SEM1: variants seen among roughly 807,000 people sequenced by gnomAD.
SEM1 encodes the protein 26S proteasome complex subunit SEM1.
Under a neutral mutation model 12.7 loss-of-function variants are expected in SEM1, and 3 were observed. The ratio of observed to expected loss-of-function variants is 0.24; its 90% CI spans 0.11 to 0.61. The LOEUF (loss-of-function observed/expected upper bound fraction) is 0.61. Ranked by LOEUF, SEM1 falls within the 20% of genes least tolerant of loss-of-function variation. The pLI is 0.88. For missense variants in SEM1, 59 were observed against 81.3 expected, an observed-to-expected ratio of 0.73 and a Z score of 1.06; for synonymous variants, 30 against 27.8, an observed-to-expected ratio of 1.08 and a Z score of -0.25.
At chr7:96,546,670 C>T (rs865885999) in intron 2 of SEM1, among the ~76,000 whole-genome samples, 2 of 152,060 alleles carry the variant, frequency 1.3e-5, no homozygotes, top group African/African-American at 4.8e-5. Context: ...TCCACCGGCA[C>T]GATCTTCATG....
At chr7:96,617,410 AT>A (rs1259969473) in intron 2 of SEM1, among the ~76,000 whole-genome samples, 3 of 152,176 alleles carry the variant, frequency 2.0e-5, no homozygotes, top group Non-Finnish European at 4.4e-5. Context: ...AAACTACTGA[AT>A]TTATTATCAA....
At chr7:96,614,438 C>T (rs949478328) in intron 2 of SEM1, among the ~76,000 whole-genome samples, 1 of 152,168 alleles carries the variant, frequency 6.6e-6, no homozygotes, top group Non-Finnish European at 1.5e-5. Context: ...AAATTAGCTC[C>T]AGCTTCAAGA....
At chr7:96,660,921 G>A (rs558849161) in intron 2 of SEM1, among the ~76,000 whole-genome samples, 71 of 151,896 alleles carry the variant, frequency 4.7e-4, no homozygotes, top group Non-Finnish European at 8.2e-4. Context: ...ATAGAAAAAC[G>A]TAATTACAAA....
At chr7:96,674,207 A>G (rs929791387) in intron 2 of SEM1, among the ~76,000 whole-genome samples, 4 of 152,164 alleles carry the variant, frequency 2.6e-5, no homozygotes, top group Non-Finnish European at 5.9e-5. Flanking sequence ...CTCCACCACT[A>G]GACTGTTAAG....
downstream of SEM1, among the ~76,000 whole-genome samples, chr7:96,670,937 T>C (rs1789298236): frequency 6.6e-6 from 1 of 152,178 alleles, no homozygotes; most frequent in African/African-American, 2.4e-5. Context: ...AGAAATCCAG[T>C]AGCTTGCCTC....
intron 2 of SEM1, among the ~76,000 whole-genome samples, chr7:96,533,194 T>G (rs1041508906): frequency 6.6e-6 from 1 of 152,062 alleles, no homozygotes; most frequent in Non-Finnish European, 1.5e-5. Flanking sequence ...CTCCTCCTTT[T>G]TCATCAAAAT....
intron 2 of SEM1, among the ~76,000 whole-genome samples, chr7:96,691,696 A>T (rs1416745694): frequency 3.9e-5 from 6 of 152,266 alleles, no homozygotes; most frequent in Admixed American, 3.9e-4. Context: ...AATTTTTTAA[A>T]GCAAGGATTG....
intron 2 of SEM1, among the ~76,000 whole-genome samples, chr7:96,656,152 A>G (rs1303200069): frequency 6.6e-6 from 1 of 152,146 alleles, no homozygotes; most frequent in African/African-American, 2.4e-5. Context: ...CCGAGCTCAA[A>G]ATTAAATTCC....
At chr7:96,540,488 A>G in intron 2 of SEM1, among the ~76,000 whole-genome samples, 1 of 151,878 alleles carries the variant, frequency 6.6e-6, no homozygotes. Flanking sequence ...TGAACCTCAA[A>G]TATGATCAAA....
intron 1 of SEM1, among the ~76,000 whole-genome samples, chr7:96,704,452 G>C (rs1790383849): frequency 6.6e-6 from 1 of 152,068 alleles, no homozygotes; most frequent in South Asian, 2.1e-4. Context: ...TAAGTAACTA[G>C]CATGAGGTGA....
At chr7:96,549,420 T>C (rs1364404445) in intron 2 of SEM1, among the ~76,000 whole-genome samples, 2 of 152,170 alleles carry the variant, frequency 1.3e-5, no homozygotes, top group African/African-American at 4.8e-5. Flanking sequence ...ATCAAGAATG[T>C]CCAATAACAG....
intron 1 of SEM1, among the ~76,000 whole-genome samples, chr7:96,708,956 G>A (rs1029738165): frequency 3.3e-5 from 5 of 151,812 alleles, no homozygotes; most frequent in African/African-American, 1.2e-4. Context: ...AAAAAAAAAT[G>A]TGTAAGGTTT....
chr7:96,585,266 C>T (rs1806578179), intron 2 of SEM1, among the ~76,000 whole-genome samples: 1 of 152,154 alleles, frequency 6.6e-6, no homozygotes, highest in African/African-American at 2.4e-5. Flanking sequence ...GGGGTGCCTC[C>T]CAGTTAGGCT....
intron 2 of SEM1, chr7:96,656,504 CT>C (rs1463714123): frequency 1.3e-5 from 2 of 151,988 alleles, no homozygotes; most frequent in African/African-American, 4.8e-5. Context: ...CAATCCTCCC[CT>C]GACCTGATTA....
intron 2 of SEM1, among the ~76,000 whole-genome samples, chr7:96,511,233 GATTC>G (rs1803924896): frequency 1.3e-5 from 2 of 152,130 alleles, no homozygotes; most frequent in South Asian, 2.1e-4. Flanking sequence ...CCTGACCACA[GATTC>G]ATTCATTCAG....
At position 96,599,890 on chromosome 7, in the gene SEM1, A is replaced by G. The variant is rs533132240; in HGVS notation, c.171-93192T>C. 5.9e-5 allele frequency among the ~76,000 whole-genome samples: 9 copies of G among 152,366 alleles called. No individual in the cohort carries two copies. The East Asian group carries it at 1.7e-3, about 29-fold the overall frequency. On this transcript the variant is annotated intron_variant and NMD_transcript_variant, in intron 2 of 3. Coordinates refer to the SEM1 transcript ENST00000466986. ...AAATATACAGATCCATTCTGAAATC[A>G]TCATAAAAGGATTTATTTCCTTAAG...
At chr7:96,657,617 G>C (rs1015379177) in intron 2 of SEM1, among the ~76,000 whole-genome samples, 3 of 152,106 alleles carry the variant, frequency 2.0e-5, no homozygotes, top group Admixed American at 2.0e-4. Context: ...GGGTTTTCTC[G>C]GTTGGAAAAC....
intron 2 of SEM1, among the ~76,000 whole-genome samples, chr7:96,551,123 A>T (rs1805254336): frequency 6.6e-6 from 1 of 152,180 alleles, no homozygotes; most frequent in South Asian, 2.1e-4. Flanking sequence ...AAGACAATGC[A>T]GGTCTGACAC....
chr7:96,635,772 CATTTCAACCAAT>C (rs1325682279), intron 2 of SEM1, among the ~76,000 whole-genome samples: 4 of 151,932 alleles, frequency 2.6e-5, no homozygotes, highest in Admixed American at 6.6e-5. Context: ...ACTGAAGTGA[CATTTCAACCAAT>C]ATTGTAATAG....
Sources: allele counts gnomAD v4.1 joint callset (sites outside exome capture counted in the v4.1 genomes callset), GRCh38; gene constraint gnomAD v4.1.1; transcripts MANE v1.5; gene names NCBI Gene and HGNC (gene_info 2026-07-23, HGNC 2026-07-21).